LRRC36: variants seen among roughly 807,000 people sequenced by gnomAD.
LRRC36 encodes leucine-rich repeat-containing protein 36.
LRRC36 carries 62 observed loss-of-function variants against 81.1 expected under a neutral mutation model. The ratio of observed to expected loss-of-function variants is 0.76; its 90% CI spans 0.62 to 0.94. LRRC36 has a LOEUF of 0.94. LRRC36 is among the 40% of genes least tolerant of loss of function. The pLI is 0.00. For synonymous variants in LRRC36, 334 were observed against 348.6 expected, an observed-to-expected ratio of 0.96 and a Z score of 0.47; for missense variants, 761 against 881.7, an observed-to-expected ratio of 0.86 and a Z score of 1.73.
chr16:67,355,159 C>A (rs2038837831), intron 5 of LRRC36, among the ~76,000 whole-genome samples: 1 of 152,146 alleles, frequency 6.6e-6, no homozygotes, highest in South Asian at 2.1e-4. Context: ...TCCACTCACC[C>A]ACTGAAAGAC....
intron 9 of LRRC36, among the ~76,000 whole-genome samples, chr16:67,373,064 TAAA>T (rs2039722538): frequency 6.6e-6 from 1 of 152,130 alleles, no homozygotes; most frequent in Non-Finnish European, 1.5e-5. Context: ...GTTATATTGT[TAAA>T]ATCTGGCTAG....
chr16:67,340,981 G>A (rs2038020990), intron 1 of LRRC36, among the ~76,000 whole-genome samples: 1 of 129,298 alleles, frequency 7.7e-6, no homozygotes, highest in African/African-American at 3.1e-5. Context: ...ATAGAATATA[G>A]AATATGTATA....
Position 67,332,349 on chromosome 16 carries a change from C to T in LRRC36, c.70+5417C>T, listed in dbSNP as rs189157009. 2.1e-3 allele frequency among the ~76,000 whole-genome samples: 321 copies of T among 152,166 alleles called. 1 individual carries two copies. Among genetic ancestry groups the T allele is most frequent in the African/African-American group, 7.4e-3 (307 of 41,518 alleles). ...AGGGCGAATCACGAGGTCAGGAGAT[C>T]GAGACAACCCTGGCTAACATGATGA... On this transcript the variant is annotated intron_variant, in intron 1 of 13. Coordinates refer to ENST00000329956, the MANE Select transcript of LRRC36 (RefSeq NM_018296.6).
intron 5 of LRRC36, among the ~76,000 whole-genome samples, chr16:67,351,763 G>A (rs903607153): frequency 6.6e-6 from 1 of 152,042 alleles, no homozygotes; most frequent in Admixed American, 6.6e-5. Context: ...TCATTTCTTG[G>A]ATGTCCCAGT....
At chr16:67,352,577 G>GT (rs2038697797) in intron 5 of LRRC36, among the ~76,000 whole-genome samples, 1 of 151,248 alleles carries the variant, frequency 6.6e-6, no homozygotes, top group African/African-American at 2.4e-5. Context: ...GGGCTCTCCT[G>GT]TTTTTTCTCT....
intron 5 of LRRC36, among the ~76,000 whole-genome samples, chr16:67,351,568 G>T (rs532122753): frequency 6.6e-6 from 1 of 152,116 alleles, no homozygotes; most frequent in Admixed American, 6.5e-5. Flanking sequence ...TTAGCCATGC[G>T]TGGTGGCACA....
rs2039849863 is a variant in LRRC36, at chr16:67,375,392, T to A, written c.1640T>A (p.Leu547His). The part of the protein sequence containing the change: ...DKHWNGSGSL[L>H]LNKKFLGPAR... ...CACTGGAATGGCTCCGGCTCCCTCCTCCTCAACAAGAAGTTTCTCGGTGAG... is the reference window on the plus strand; with the variant it reads ...CACTGGAATGGCTCCGGCTCCCTCCACCTCAACAAGAAGTTTCTCGGTGAG... The change falls in exon 10 of 14, where the codon CTC becomes CAC. Residue 547 changes from leucine (L) to histidine (H), a missense_variant. By Grantham distance (99) the Leu-to-His change is moderately conservative. Around this residue, in one of 3 missense-constraint regions of LRRC36, gnomAD observed 359 missense variants for 388.4 expected, o/e 0.92. Coordinates refer to ENST00000329956, the MANE Select transcript of LRRC36 (RefSeq NM_018296.6). 6.3e-7 allele frequency: 1 copy of A among 1,583,524 alleles called. No individual in the cohort carries two copies. The highest frequency in any genetic ancestry group is 1.4e-5 in the African/African-American group (1 of 72,246).
At chr16:67,372,998 T>G (rs1432794527) in intron 9 of LRRC36, among the ~76,000 whole-genome samples, 1 of 152,172 alleles carries the variant, frequency 6.6e-6, no homozygotes, top group African/African-American at 2.4e-5. Context: ...TTTAGCATAT[T>G]TGGGATGTTA....
intron 5 of LRRC36, among the ~76,000 whole-genome samples, chr16:67,361,323 T>G (rs1222668921): frequency 2.0e-5 from 3 of 152,170 alleles, no homozygotes; most frequent in African/African-American, 7.2e-5. Context: ...CGAGCCACTG[T>G]GCCTGGCCTT....
In LRRC36 at chr16:67,367,116, G is replaced by T. The variant is rs2039433628; in HGVS notation, c.854G>T (p.Gly285Val). 6.2e-7 allele frequency: 1 copy of T among 1,613,898 alleles called. No homozygotes were observed. The highest frequency in any genetic ancestry group is 1.3e-5 in the African/African-American group (1 of 74,870). The stretch of plus-strand genomic sequence containing the variant: ...TCTTTTTTGGACAATAAGTCTTCAG[G>T]TTCTTCTCCAGAAAAGGAATTGATA... ...QVSFLDNKSS[G>V]SSPEKELIPK... The change falls in exon 8 of 14, where the codon GGT becomes GTT. Residue 285 changes from glycine (G) to valine (V), a missense_variant. Gly to Val is a moderately radical substitution (Grantham distance 109). Around this residue, in one of 3 missense-constraint regions of LRRC36, gnomAD observed 139 missense variants for 214.0 expected, o/e 0.65. Coordinates refer to ENST00000329956, the MANE Select transcript of LRRC36 (RefSeq NM_018296.6).
chr16:67,361,425 A>T (rs1381603832), intron 5 of LRRC36, among the ~76,000 whole-genome samples: 4 of 152,212 alleles, frequency 2.6e-5, no homozygotes, highest in Admixed American at 2.6e-4. Flanking sequence ...TTTTATTTTT[A>T]AAATAATTTT....
intron 13 of LRRC36, among the ~76,000 whole-genome samples, chr16:67,382,837 C>G (rs963043347): frequency 6.6e-6 from 1 of 152,090 alleles, no homozygotes; most frequent in East Asian, 1.9e-4. Flanking sequence ...AAAAAATTAG[C>G]TGGGAGCTTG....
At chr16:67,339,778 G>T (rs967117567) in intron 1 of LRRC36, among the ~76,000 whole-genome samples, 1 of 152,094 alleles carries the variant, frequency 6.6e-6, no homozygotes, top group African/African-American at 2.4e-5. Flanking sequence ...ATTCAGTGTA[G>T]ATTCTACTCC....
At chr16:67,355,481 T>TCAGC (rs1276788188) in intron 5 of LRRC36, among the ~76,000 whole-genome samples, 1 of 146,718 alleles carries the variant, frequency 6.8e-6, no homozygotes, top group East Asian at 2.1e-4. Flanking sequence ...TTCACGCCAT[T>TCAGC]CTCCTGCCTC....
rs536295465 is a variant in LRRC36 at position 67,378,805 on chromosome 16, C to T, written c.1930+93C>T. ...TAGTAACCTTCATCATGCTAGCTCA[C>T]GTGGCTGCCTTTGGCCTACTTGGTC... On this transcript the variant is annotated intron_variant, in intron 12 of 13. Coordinates refer to ENST00000329956, the MANE Select transcript of LRRC36 (RefSeq NM_018296.6). The T allele has an allele frequency of 1.6e-4, 224 of 1,417,732 alleles. 7 individuals are homozygous for T. Among genetic ancestry groups the T allele is most frequent in the South Asian group, 6.1e-4 (45 of 74,346 alleles). 87.8% of individuals were successfully genotyped at this position (1,417,732 alleles called of 1,614,324 possible). A position where few individuals can be genotyped will look rare whatever the true frequency, so the allele number is the denominator to read the frequency against.
At position 67,365,312 on chromosome 16, in the gene LRRC36, A is replaced by G. The variant is rs1348702653; in HGVS notation, c.711A>G (p.Glu237=). Residue 237 remains glutamate, a synonymous_variant, in exon 7 of 14, where the codon GAA becomes GAG. Coordinates refer to ENST00000329956, the MANE Select transcript of LRRC36 (RefSeq NM_018296.6). Reference sequence around the variant, plus strand: ...TTTCGAACTTTTTTTAGACACAGGAAGTAGCAAGAAGGGAGATGCCAAGTG... The same window carrying G: ...TTTCGAACTTTTTTTAGACACAGGAGGTAGCAAGAAGGGAGATGCCAAGTG... ...DTFPLGTQTQ[E]VARREMPSDN... is the part of the protein sequence containing the mutation. 2 of 1,613,092 alleles carry G rather than the reference A, an allele frequency of 1.2e-6. No individual in the cohort carries two copies. The highest frequency in any genetic ancestry group is 2.7e-5 in the African/African-American group (2 of 74,906).
chr16:67,374,262 T>A lies in LRRC36; in HGVS notation c.1495-985T>A, dbSNP rs545720880. ...ATATTAAATATAACCTTAGAGTAAT[T>A]TTTTATATTACTCCCATTTGTTTTA... On this transcript the variant is annotated intron_variant, in intron 9 of 13. Transcript: ENST00000329956. Among the ~76,000 whole-genome samples the A allele has an allele frequency of 4.6e-5, 7 of 151,434 alleles. No individual in the cohort carries two copies. In the East Asian group the frequency reaches 7.7e-4, roughly 17 times the overall value.
chr16:67,330,621 G>A (rs2037436530), intron 1 of LRRC36, among the ~76,000 whole-genome samples: 1 of 152,110 alleles, frequency 6.6e-6, no homozygotes, highest in African/African-American at 2.4e-5. Flanking sequence ...CAGCATTTTG[G>A]GAGGCCAAGG....
At position 67,342,036 on chromosome 16, in the gene LRRC36, A is replaced by C. The variant is rs150906588; in HGVS notation, c.150A>C (p.Lys50Asn). 4 of 1,611,636 alleles carry C rather than the reference A, an allele frequency of 2.5e-6. No individual in the cohort carries two copies. Among genetic ancestry groups the C allele is most frequent in the Non-Finnish European group, 2.5e-6 (3 of 1,178,194 alleles). ...TTGGTGATGCCTTCAGAAATTTTAA[A>C]AATCTCCGATCCTTAGATTTATCAA... ...HSIGDAFRNF[K>N]NLRSLDLSRN... The change falls in exon 2 of 14, where the codon AAA (lysine) becomes AAC (asparagine). Residue 50 changes from lysine to asparagine, a missense_variant. Transcript: ENST00000329956.
Sources: gnomAD v4.1 joint callset for allele counts (sites outside exome capture counted in the v4.1 genomes callset) on GRCh38, gnomAD v4.1.1 for gene constraint, gnomAD v4.1.1 regional missense constraint, MANE v1.5 for transcripts, NCBI Gene and HGNC (gene_info 2026-07-23, HGNC 2026-07-21) for gene names.